Variants in MDM2 observed in about 807,000 individuals in gnomAD.
MDM2 encodes the protein MDM2 proto-oncogene, also known as E3 ubiquitin-protein ligase Mdm2.
A neutral mutation model predicts 64.3 loss-of-function variants in MDM2; 11 were observed. The ratio of observed to expected loss-of-function variants is 0.17; its 90% CI spans 0.11 to 0.28. MDM2 has a LOEUF of 0.28. Among genes scored for constraint, MDM2 ranks in the 10% least tolerant of loss-of-function variants. MDM2 has a pLI of 1.00. For missense variants in MDM2, 388 were observed against 577.1 expected, an observed-to-expected ratio of 0.67 and a Z score of 3.36; for synonymous variants, 194 against 192.9, an observed-to-expected ratio of 1.01 and a Z score of -0.05.
intron 3 of MDM2, 97 bp downstream of exon 3, chr12:68,813,725 A>G (rs1169464167): frequency 8.8e-6 from 7 of 799,512 alleles, no homozygotes; most frequent in East Asian, 7.8e-5. Context: ...ATATAGAAGG[A>G]TTTTTCATTA....
intron 1 of MDM2, 89 bp from the exon 2 acceptor site, chr12:68,809,119 A>G (rs2136105305): frequency 6.4e-7 from 1 of 1,565,396 alleles, no homozygotes; most frequent in Non-Finnish European, 8.6e-7. Context: ...CTTTAGTTTT[A>G]ACTGTTGTTT....
At chr12:68,826,805 G>T (rs1827542956) in intron 7 of MDM2, among the ~76,000 whole-genome samples, 2 of 151,982 alleles carry the variant, frequency 1.3e-5, no homozygotes, top group South Asian at 4.2e-4. Context: ...TTGCAGCCCG[G>T]CCAAGATCAC....
At chr12:68,822,785 G>C (rs1881973683) in intron 5 of MDM2, among the ~76,000 whole-genome samples, 1 of 150,336 alleles carries the variant, frequency 6.7e-6, no homozygotes, top group African/African-American at 2.5e-5. Flanking sequence ...CTGTCACCCA[G>C]GCTGGAGTGC....
Position 68,812,727 on chromosome 12 carries a change from G to T in MDM2, c.100-827G>T, listed in dbSNP as rs914866150. The stretch of plus-strand genomic sequence containing the variant: ...GTCTCCCAAAGTGCTGGGGTTATAG[G>T]CAAGAGCCACCTCTCCCAGCCAGCT... On this transcript the variant is annotated intron_variant, in intron 2 of 10. Transcript: ENST00000258149. Among the ~76,000 whole-genome samples the T allele has an allele frequency of 3.6e-4, 55 of 152,264 alleles. 1 individual carries two copies. The highest frequency in any genetic ancestry group is 1.2e-3 in the African/African-American group (50 of 41,550).
chr12:68,830,691 GAATT>G (rs1167978752), intron 8 of MDM2, among the ~76,000 whole-genome samples: 2 of 152,022 alleles, frequency 1.3e-5, no homozygotes, highest in Non-Finnish European at 2.9e-5. Context: ...GTTAAAAAGA[GAATT>G]ATTATACCCT....
intron 3 of MDM2, among the ~76,000 whole-genome samples, chr12:68,814,128 C>G (rs1179356662): frequency 6.6e-6 from 1 of 152,248 alleles, no homozygotes; most frequent in African/African-American, 2.4e-5. Context: ...TCTCAGCTCA[C>G]TGCAACCTCC....
rs749522231 is a variant in MDM2 at position 68,808,197 on chromosome 12, C to T, written c.-281C>T. 3.5e-5 allele frequency: 18 copies of T among 513,960 alleles called. No homozygotes were observed. Among genetic ancestry groups the T allele is most frequent in the Non-Finnish European group, 5.5e-5 (16 of 292,730 alleles). The allele number at this position is 513,960 out of a possible 1,614,324, so 31.8% of individuals were successfully genotyped here. A position where few individuals can be genotyped will look rare whatever the true frequency, so the allele number is the denominator to read the frequency against. On this transcript the variant is annotated 5_prime_UTR_variant, in exon 1 of 11. Coordinates refer to ENST00000258149, the MANE Select transcript of MDM2 (RefSeq NM_002392.6). ...GTAGGGGGCGCGCACCGAGGCACCG[C>T]GGCGAGCTTGGCTGCTTCTGGGGCC...
intron 5 of MDM2, among the ~76,000 whole-genome samples, chr12:68,821,671 T>A (rs1435834118): frequency 6.6e-6 from 1 of 152,130 alleles, no homozygotes; most frequent in Non-Finnish European, 1.5e-5. Context: ...TGTAGTGAAC[T>A]GTGATCATGC....
At position 68,842,343 on chromosome 12, in the gene MDM2, T is replaced by C. The variant is rs1385445048; in HGVS notation, c.*2494T>C. On this transcript the variant is annotated 3_prime_UTR_variant, in exon 11 of 11. Transcript: ENST00000258149. ...AAAGGAACGCAGCTGGAAGAAAAGATGATATAACAGTTAACAGGATGCAGA... is the reference window on the plus strand; with the variant it reads ...AAAGGAACGCAGCTGGAAGAAAAGACGATATAACAGTTAACAGGATGCAGA... 2.0e-6 allele frequency: 1 copy of C among 496,020 alleles called. No homozygotes were observed. The highest frequency in any genetic ancestry group is 4.0e-6 in the Non-Finnish European group (1 of 250,786). The allele number at this position is 496,020 out of a possible 1,614,324, so 30.7% of individuals were successfully genotyped here. A position where few individuals can be genotyped will look rare whatever the true frequency, so the allele number is the denominator to read the frequency against.
intron 3 of MDM2, among the ~76,000 whole-genome samples, chr12:68,815,937 T>G (rs1407395951): frequency 6.6e-6 from 1 of 152,200 alleles, no homozygotes; most frequent in African/African-American, 2.4e-5. Context: ...AATTTAACTT[T>G]TATTAATGGT....
chr12:68,833,546 A>AT (rs1419685277), intron 8 of MDM2, among the ~76,000 whole-genome samples: 6 of 150,354 alleles, frequency 4.0e-5, no homozygotes, highest in African/African-American at 1.2e-4. Flanking sequence ...TTTTCATGGT[A>AT]TTTTTTATAG....
rs375508675 is a variant in MDM2 at position 68,830,074 on chromosome 12, A to T, written c.684+1143A>T. Among the ~76,000 whole-genome samples, 6 of 152,020 alleles carry T rather than the reference A, an allele frequency of 3.9e-5. No individual in the cohort carries two copies. In the South Asian group the frequency reaches 1.0e-3, roughly 26 times the overall value. The stretch of plus-strand genomic sequence containing the variant: ...AAAATATTATGATTTTTTTTTTTAC[A>T]ATTTTTTTTCTGCTCATCAGCTATT... On this transcript the variant is annotated intron_variant, in intron 8 of 10. Coordinates refer to ENST00000258149, the MANE Select transcript of MDM2 (RefSeq NM_002392.6).
downstream of MDM2, chr12:68,847,829 A>G (rs996337243): frequency 1.3e-5 from 2 of 152,216 alleles, no homozygotes; most frequent in African/African-American, 2.4e-5. Flanking sequence ...GAAAGCAACT[A>G]TCAAGTTCTT....
chr12:68,824,374 T>A lies in MDM2; in HGVS notation c.370T>A (p.Ser124Thr). 6.3e-7 allele frequency: 1 copy of A among 1,591,476 alleles called. No homozygotes were observed. Among genetic ancestry groups the A allele is most frequent in the Middle Eastern group, 1.7e-4 (1 of 5,912 alleles). ...VVVNQQESSD[S>T]GTSVSENRCH... ...TTCTTTTCTCTCAGAATCATCGGAC[T>A]CAGGTACATCTGTGAGTGAGAACAG... The change falls in exon 6 of 11, where the codon TCA becomes ACA. Residue 124 changes from serine (S) to threonine (T), a missense_variant. Transcript: ENST00000258149.
chr12:68,816,426 G>A (rs1881386376), intron 3 of MDM2, among the ~76,000 whole-genome samples: 1 of 118,328 alleles, frequency 8.5e-6, no homozygotes, highest in Admixed American at 1.1e-4. Context: ...AAGCCGGAGT[G>A]CAGTGGCGCA....
chr12:68,849,796 A>AGAG (rs1193322919), downstream of MDM2: 1 of 150,866 alleles, frequency 6.6e-6, no homozygotes, highest in African/African-American at 2.4e-5. Context: ...TATTTTCAGT[A>AGAG]GAGATGGGGT....
chr12:68,819,436 G>GTACCAGTACCAATAAATACA, intron 4 of MDM2, among the ~76,000 whole-genome samples: 1 of 152,132 alleles, frequency 6.6e-6, no homozygotes, highest in Non-Finnish European at 1.5e-5. Flanking sequence ...GTACGTGGTA[G>GTACCAGTACCAATAAATACA]GTTTTCAGTC....
Position 68,843,274 on chromosome 12 carries a change from C to T in MDM2, c.*3425C>T. The T allele has an allele frequency of 4.4e-6, 1 of 227,446 alleles. No homozygotes were observed. The highest frequency in any genetic ancestry group is 8.7e-6 in the Non-Finnish European group (1 of 114,882). 14.1% of individuals were successfully genotyped at this position (227,446 alleles called of 1,614,324 possible). On this transcript the variant is annotated 3_prime_UTR_variant, in exon 11 of 11. Transcript: ENST00000258149. ...TTGAGGACCTCCAAAGGTAAAAGTA[C>T]TAATCCCTTTGGCCATTTATTGAGA...
chr12:68,838,533 G>T (rs188420166), intron 10 of MDM2, among the ~76,000 whole-genome samples: 107 of 152,242 alleles, frequency 7.0e-4, no homozygotes, highest in Admixed American at 5.5e-3. Context: ...TTCTCTTGTG[G>T]ATGGAGTTAG....
Sources: allele counts gnomAD v4.1 joint callset (sites outside exome capture counted in the v4.1 genomes callset), GRCh38; gene constraint gnomAD v4.1.1; transcripts MANE v1.5; gene names NCBI Gene and HGNC (gene_info 2026-07-23, HGNC 2026-07-21).